Variants in BRINP2 observed in about 807,000 individuals in gnomAD.
The protein encoded by BRINP2 is BMP/retinoic acid-inducible neural-specific protein 2.
Under a neutral mutation model 69.2 loss-of-function variants are expected in BRINP2, and 21 were observed. The observed-to-expected ratio is 0.30, with a 90% CI of 0.22 to 0.44. The LOEUF is 0.44. BRINP2 is among the 20% of genes least tolerant of loss of function. The pLI is 1.00. For missense variants in BRINP2, 877 were observed against 986.0 expected (o/e 0.89, Z 1.48); for synonymous variants, 380 against 394.1 (o/e 0.96, Z 0.42).
intron 4 of BRINP2, among the ~76,000 whole-genome samples, chr1:177,270,828 C>T (rs1651299699): frequency 6.6e-6 from 1 of 152,172 alleles, no homozygotes; most frequent in Non-Finnish European, 1.5e-5. Context: ...GGGCAAACTT[C>T]CCCAGAGTAG....
intron 1 of BRINP2, among the ~76,000 whole-genome samples, chr1:177,213,768 CA>C (rs573466621): frequency 1.1e-4 from 16 of 152,176 alleles, no homozygotes; most frequent in Non-Finnish European, 2.2e-4. Flanking sequence ...AGCTTTCTTT[CA>C]AAAAAACTAA....
At chr1:177,172,015 A>C (rs1157132810) in intron 1 of BRINP2, among the ~76,000 whole-genome samples, 1 of 152,132 alleles carries the variant, frequency 6.6e-6, no homozygotes, top group Non-Finnish European at 1.5e-5. Context: ...TGCCTGGTTT[A>C]AGTCCTCAAA....
chr1:177,200,434 T>G (rs1175583019), intron 1 of BRINP2, among the ~76,000 whole-genome samples: 1 of 151,808 alleles, frequency 6.6e-6, no homozygotes, highest in Admixed American at 6.6e-5. Context: ...TTACAGAGTC[T>G]TGCAAAATCT....
At chr1:177,224,912 C>A (rs147965032) in intron 1 of BRINP2, among the ~76,000 whole-genome samples, 9 of 152,316 alleles carry the variant, frequency 5.9e-5, no homozygotes, top group African/African-American at 2.2e-4. Flanking sequence ...CATAGCTTAG[C>A]CATATCCTTA....
chr1:177,255,960 G>C lies in BRINP2; in HGVS notation c.311G>C (p.Arg104Thr), dbSNP rs370977427. The C allele has an allele frequency of 6.2e-7, 1 of 1,614,210 alleles. No individual in the cohort carries two copies. The change falls in exon 3 of 8, where the codon AGG becomes ACG. Residue 104 changes from arginine to threonine, a missense_variant. Physicochemically the swap from Arg to Thr is moderately conservative, Grantham distance 71. Coordinates refer to ENST00000361539, the MANE Select transcript of BRINP2 (RefSeq NM_021165.4). ...AAGGTGAACAACTTGGCTCTGGAAA[G>C]GAAGGACTTCTTCAGTTTGCCATTG... ...RWKVNNLALE[R>T]KDFFSLPLPL...
At chr1:177,177,496 T>C (rs753771317) in intron 1 of BRINP2, among the ~76,000 whole-genome samples, 20 of 152,216 alleles carry the variant, frequency 1.3e-4, no homozygotes, top group Non-Finnish European at 2.2e-4. Flanking sequence ...TCACAAAAGG[T>C]TTTCACAAGC....
intron 1 of BRINP2, among the ~76,000 whole-genome samples, chr1:177,209,169 G>T (rs540674663): frequency 1.3e-5 from 2 of 151,932 alleles, no homozygotes; most frequent in African/African-American, 4.8e-5. Flanking sequence ...ATCACAGTAT[G>T]TGGTGGCCCT....
intron 1 of BRINP2, among the ~76,000 whole-genome samples, chr1:177,189,486 C>G (rs1648525687): frequency 6.6e-6 from 1 of 152,116 alleles, no homozygotes; most frequent in Non-Finnish European, 1.5e-5. Context: ...AGAAAAGGAC[C>G]ATAGCCAACG....
intron 2 of BRINP2, among the ~76,000 whole-genome samples, chr1:177,250,015 T>C (rs1650530311): frequency 6.6e-6 from 1 of 152,226 alleles, no homozygotes; most frequent in African/African-American, 2.4e-5. Flanking sequence ...AATGTTTCTT[T>C]TTTGAGACAG....
At chr1:177,264,051 A>G (rs1651045958) in intron 4 of BRINP2, among the ~76,000 whole-genome samples, 1 of 152,126 alleles carries the variant, frequency 6.6e-6, no homozygotes, top group Non-Finnish European at 1.5e-5. Flanking sequence ...AGGTTTTACC[A>G]AGAAGACAGA....
intron 2 of BRINP2, among the ~76,000 whole-genome samples, chr1:177,232,923 T>G (rs958828675): frequency 1.4e-4 from 22 of 152,180 alleles, no homozygotes; most frequent in Non-Finnish European, 2.9e-4. Flanking sequence ...TGTCTTCCAT[T>G]TATAAGCGGA....
At chr1:177,276,761 G>T (rs1347763369) in intron 6 of BRINP2, among the ~76,000 whole-genome samples, 1 of 152,206 alleles carries the variant, frequency 6.6e-6, no homozygotes, top group African/African-American at 2.4e-5. Context: ...TGCACATAAG[G>T]TTCGCTATAA....
intron 1 of BRINP2, among the ~76,000 whole-genome samples, chr1:177,195,653 G>A (rs926987457): frequency 1.3e-5 from 2 of 151,624 alleles, no homozygotes; most frequent in Non-Finnish European, 2.9e-5. Flanking sequence ...CACCAACGCT[G>A]GCAAGTGGGG....
At chr1:177,241,027 A>C (rs1195515346) in intron 2 of BRINP2, among the ~76,000 whole-genome samples, 3 of 151,580 alleles carry the variant, frequency 2.0e-5, no homozygotes, top group African/African-American at 7.3e-5. Context: ...GCTGGAGTAC[A>C]GTGGTGCGAT....
chr1:177,237,804 A>G (rs1033754983), intron 2 of BRINP2, among the ~76,000 whole-genome samples: 2 of 152,066 alleles, frequency 1.3e-5, no homozygotes, highest in Non-Finnish European at 2.9e-5. Flanking sequence ...GAAAGGAGTG[A>G]GGTAGACTTC....
intron 1 of BRINP2, among the ~76,000 whole-genome samples, chr1:177,202,220 T>C (rs1167970361): frequency 2.0e-5 from 3 of 152,188 alleles, no homozygotes; most frequent in Non-Finnish European, 4.4e-5. Context: ...GCTCTGATCT[T>C]AGTTATTTCT....
chr1:177,246,939 A>C (rs761106556), intron 2 of BRINP2, among the ~76,000 whole-genome samples: 29 of 152,218 alleles, frequency 1.9e-4, no homozygotes, highest in Non-Finnish European at 3.4e-4. Flanking sequence ...TTGGAGCCAA[A>C]GTATGATATA....
chr1:177,269,418 C>A (rs1426369552), intron 4 of BRINP2, among the ~76,000 whole-genome samples: 2 of 152,184 alleles, frequency 1.3e-5, no homozygotes, highest in Non-Finnish European at 2.9e-5. Flanking sequence ...TTACAGCTCA[C>A]CCTCTATTTA....
chr1:177,246,626 T>G (rs1049322986), intron 2 of BRINP2, among the ~76,000 whole-genome samples: 2 of 152,162 alleles, frequency 1.3e-5, no homozygotes, highest in African/African-American at 4.8e-5. Context: ...CTACTGGAAA[T>G]AGATCAGGAG....
Sources: allele counts gnomAD v4.1 joint callset (sites outside exome capture counted in the v4.1 genomes callset), GRCh38; gene constraint gnomAD v4.1.1; transcripts MANE v1.5; gene names NCBI Gene and HGNC (gene_info 2026-07-23, HGNC 2026-07-21).